Variants in GOLGA8K observed in about 807,000 individuals in gnomAD.
GOLGA8K encodes golgin A8 family member K.
GOLGA8K carries 12 observed loss-of-function variants against 75.2 expected under a neutral mutation model. The ratio of observed to expected loss-of-function variants is 0.16; its 90% CI spans 0.10 to 0.26. The LOEUF (loss-of-function observed/expected upper bound fraction) is 0.26, where lower values mean the gene tolerates loss of function less well. Among genes scored for constraint, GOLGA8K ranks in the 10% least tolerant of loss-of-function variants. The pLI, the probability that GOLGA8K is intolerant of heterozygous loss-of-function variation, is 1.00. For synonymous variants in GOLGA8K, 48 were observed against 236.6 expected, an observed-to-expected ratio of 0.20 and a Z score of 7.32; for missense variants, 109 against 640.8, an observed-to-expected ratio of 0.17 and a Z score of 8.96.
At chr15:32,395,160 C>A (rs1162169531) in intron 13 of GOLGA8K, among the ~76,000 whole-genome samples, 1 of 132,062 alleles carries the variant, frequency 7.6e-6, no homozygotes. Flanking sequence ...AGGCCCCTGT[C>A]CCCTTACTCC....
At position 32,395,961 on chromosome 15, in the gene GOLGA8K, A is replaced by C. The variant is rs1318028945; in HGVS notation, c.1200+2T>G. 1 of 1,223,390 alleles carries C rather than the reference A, an allele frequency of 8.2e-7. No individual in the cohort carries two copies. Among genetic ancestry groups the C allele is most frequent in the Non-Finnish European group, 1.2e-6 (1 of 864,982 alleles). The allele number at this position is 1,223,390 out of a possible 1,614,324, so 75.8% of individuals were successfully genotyped here. ...TGGGGTGGAGGTTTCCGTCTCCTTC[A>C]CCTCGCCAAGCTTCTCCTGTAGCTC... is the stretch of plus-strand genomic sequence containing the variant. On this transcript the variant is annotated splice_donor_variant, in intron 13 of 18. Coordinates refer to ENST00000512626, the MANE Select transcript of GOLGA8K (RefSeq NM_001282493.2). LOFTEE classifies it high-confidence loss of function.
At chr15:32,395,865 G>A in intron 13 of GOLGA8K, 98 bp downstream of exon 13, 1 of 1,542,920 alleles carries the variant, frequency 6.5e-7, no homozygotes, top group Non-Finnish European at 8.7e-7. Context: ...CAGCCCCCAG[G>A]CTGGAAGCTG....
chr15:32,389,913 T>TA lies in GOLGA8K; in HGVS notation c.*2868dup, dbSNP rs1287095404. 9.7e-6 allele frequency among the ~76,000 whole-genome samples: 1 copy of TA among 103,248 alleles called. No individual in the cohort carries two copies. The highest frequency in any genetic ancestry group is 3.2e-5 in the African/African-American group (1 of 31,126). 67.7% of individuals were successfully genotyped at this position (103,248 alleles called of 152,430 possible). A position where few individuals can be genotyped will look rare whatever the true frequency, so the allele number is the denominator to read the frequency against. ...TTATATTATTTTAAAATGACTAAGA[T>TA]AAAGTTTTAGAGAAACTATATTATG... On this transcript the variant is annotated 3_prime_UTR_variant, in exon 19 of 19. Transcript: ENST00000512626.
At position 32,394,177 on chromosome 15, in the gene GOLGA8K, C is replaced by T. The variant is rs201987416; in HGVS notation, c.1333G>A (p.Val445Ile). ...GEEAPQPMPS[V>I]PEDLESREAM... ...TCCCTGCTCTCCAGGTCCTCTGGGA[C>T]ACTCGGCATGGGCTGAGGTGCCTCC... is the stretch of plus-strand genomic sequence containing the variant. The change falls in exon 15 of 19, where the codon GTC becomes ATC. Residue 445 changes from valine to isoleucine, a missense_variant. Coordinates refer to ENST00000512626, the MANE Select transcript of GOLGA8K (RefSeq NM_001282493.2). The T allele has an allele frequency of 5.2e-6, 7 of 1,343,076 alleles. No individual in the cohort carries two copies. The highest frequency in any genetic ancestry group is 2.0e-5 in the African/African-American group (1 of 48,828). The allele number at this position is 1,343,076 out of a possible 1,614,324, so 83.2% of individuals were successfully genotyped here.
intron 13 of GOLGA8K, among the ~76,000 whole-genome samples, chr15:32,394,972 C>T (rs747100320): frequency 0.015 from 2,248 of 149,392 alleles, 6 homozygotes; most frequent in African/African-American, 0.053. Context: ...TAGGTGGCCA[C>T]GTACTGCTGC....
chr15:32,394,965 G>A (rs1342600584), intron 13 of GOLGA8K, among the ~76,000 whole-genome samples: 5 of 150,056 alleles, frequency 3.3e-5, no homozygotes, highest in African/African-American at 9.7e-5. Flanking sequence ...CTGCTGATAG[G>A]TGGCCACGTA....
chr15:32,393,285 C>CG lies in GOLGA8K; in HGVS notation c.1561+7_1561+8insC. 10 of 655,734 alleles carry CG rather than the reference C, an allele frequency of 1.5e-5. No individual in the cohort carries two copies. Among genetic ancestry groups the CG allele is most frequent in the Non-Finnish European group, 2.5e-5 (10 of 394,094 alleles). The allele number at this position is 655,734 out of a possible 1,614,324, so 40.6% of individuals were successfully genotyped here. On this transcript the variant is annotated splice_region_variant and intron_variant, in intron 17 of 18. Coordinates refer to ENST00000512626, the MANE Select transcript of GOLGA8K (RefSeq NM_001282493.2). ...CCCCCACCCCCACAGAGATGTTGCA[C>CG]ACCCTACCTTCATCTCCTCCCTGAG...
chr15:32,394,184 C>A lies in GOLGA8K; in HGVS notation c.1326G>T (p.Met442Ile), dbSNP rs201638009. The A allele has an allele frequency of 5.1e-6, 7 of 1,381,986 alleles. No individual in the cohort carries two copies. Among genetic ancestry groups the A allele is most frequent in the Non-Finnish European group, 5.8e-6 (6 of 1,042,050 alleles). The allele number at this position is 1,381,986 out of a possible 1,614,324, so 85.6% of individuals were successfully genotyped here. ...DSEGEEAPQP[M>I]PSVPEDLESR... ...TCTCCAGGTCCTCTGGGACACTCGG[C>A]ATGGGCTGAGGTGCCTCCTCCCCCT... The change falls in exon 15 of 19, where the codon ATG becomes ATT. Residue 442 changes from methionine to isoleucine, a missense_variant. Physicochemically the swap from Met to Ile is conservative, Grantham distance 10 (BLOSUM62 1). Transcript: ENST00000512626.
At chr15:32,394,569 T>C (rs374070254) in intron 14 of GOLGA8K, 96 bp downstream of exon 14, 34,122 of 856,076 alleles carry the variant, frequency 0.04, 758 homozygotes, top group Middle Eastern at 0.059. Context: ...TGACCAGCTG[T>C]TCTAAAGGTC....
intron 10 of GOLGA8K, 28 bp downstream of exon 10, chr15:32,397,175 G>C: frequency 9.9e-7 from 1 of 1,009,372 alleles, no homozygotes; most frequent in Non-Finnish European, 1.5e-6. Flanking sequence ...CCTATCTAAT[G>C]TGGGGGGGCT....
At chr15:32,395,824 A>G in intron 13 of GOLGA8K, 139 bp downstream of exon 13, 3 of 1,367,534 alleles carry the variant, frequency 2.2e-6, no homozygotes, top group South Asian at 2.5e-5. Context: ...GAAGCAAGAA[A>G]CAGGACTGCC....
intron 13 of GOLGA8K, 136 bp downstream of exon 13, chr15:32,395,826 AG>A (rs2054605290): frequency 7.0e-7 from 1 of 1,436,860 alleles, no homozygotes; most frequent in South Asian, 1.2e-5. Context: ...AGCAAGAAAC[AG>A]GACTGCCCTG....
chr15:32,396,696 A>C (rs1262468085), intron 11 of GOLGA8K, among the ~76,000 whole-genome samples, 153 bp from the exon 12 acceptor site: 1 of 148,966 alleles, frequency 6.7e-6, no homozygotes, highest in African/African-American at 2.5e-5. Context: ...AAGCACTTTC[A>C]GAGAAAGAGC....
intron 13 of GOLGA8K, among the ~76,000 whole-genome samples, chr15:32,394,975 A>G (rs1215932041): frequency 1.1e-4 from 17 of 149,938 alleles, no homozygotes; most frequent in African/African-American, 4.1e-4. Flanking sequence ...GTGGCCACGT[A>G]CTGCTGCAGG....
chr15:32,395,563 G>A (rs1217349664), intron 13 of GOLGA8K, among the ~76,000 whole-genome samples: 2 of 135,960 alleles, frequency 1.5e-5, no homozygotes, highest in Admixed American at 1.6e-4. Flanking sequence ...TTTTTTTTTT[G>A]TAATTTTAGT....
chr15:32,395,820 A>C (rs1374243402), intron 13 of GOLGA8K, 143 bp downstream of exon 13: 1 of 1,382,180 alleles, frequency 7.2e-7, no homozygotes, highest in Non-Finnish European at 9.9e-7. Context: ...GCAGGAAGCA[A>C]GAAACAGGAC....
rs780820569 is a variant in GOLGA8K at position 32,397,309 on chromosome 15, A to G, written c.680T>C (p.Leu227Ser). The G allele has an allele frequency of 2.5e-6, 4 of 1,577,644 alleles. No individual in the cohort carries two copies. In the South Asian group the frequency reaches 4.4e-5, roughly 17 times the overall value. The change falls in exon 10 of 19, where the codon TTG becomes TCG. Residue 227 changes from leucine (L) to serine (S), a missense_variant and splice_region_variant. By Grantham distance (145) the Leu-to-Ser change is moderately radical. Coordinates refer to ENST00000512626, the MANE Select transcript of GOLGA8K (RefSeq NM_001282493.2). ...EALLKVQLTQ[L>S]KESFQQVQLE... Reference sequence around the variant, plus strand: ...TTGGACTTGTTGAAAAGACTCCTTCAACTGCAAGAATGGGCACAGAACTTA... The same window carrying G: ...TTGGACTTGTTGAAAAGACTCCTTCGACTGCAAGAATGGGCACAGAACTTA...
At chr15:32,396,634 C>G in intron 11 of GOLGA8K, 91 bp from the exon 12 acceptor site, 1 of 604,108 alleles carries the variant, frequency 1.7e-6, no homozygotes, top group East Asian at 2.8e-5. Flanking sequence ...GCTCCTCAAA[C>G]TTGGCCTCAC....
rs200836568 is a variant in GOLGA8K, at chr15:32,394,181, C to A, written c.1329G>T (p.Pro443=). 5.1e-6 allele frequency: 7 copies of A among 1,373,040 alleles called. No individual in the cohort carries two copies. The highest frequency in any genetic ancestry group is 5.8e-6 in the Non-Finnish European group (6 of 1,036,052). The allele number at this position is 1,373,040 out of a possible 1,614,324, so 85.1% of individuals were successfully genotyped here. ...SEGEEAPQPM[P]SVPEDLESRE... ...TGCTCTCCAGGTCCTCTGGGACACT[C>A]GGCATGGGCTGAGGTGCCTCCTCCC... Residue 443 remains proline, a synonymous_variant, in exon 15 of 19, where the codon CCG becomes CCT. Transcript: ENST00000512626.
Sources: gnomAD v4.1 joint callset for allele counts (sites outside exome capture counted in the v4.1 genomes callset) on GRCh38, gnomAD v4.1.1 for gene constraint, MANE v1.5 for transcripts, NCBI Gene and HGNC (gene_info 2026-07-23, HGNC 2026-07-21) for gene names.